The following CSMD1 variants were observed in gnomAD, a reference collection of about 807,000 sequenced individuals.
CSMD1 encodes the protein CUB and sushi domain-containing protein 1.
A neutral mutation model predicts 417.5 loss-of-function variants in CSMD1; 213 were observed. The observed-to-expected ratio is 0.51, with a 90% CI of 0.46 to 0.57. CSMD1 has a LOEUF of 0.57. Ranked by LOEUF, CSMD1 falls within the 20% of genes least tolerant of loss-of-function variation. The pLI, the probability that CSMD1 is intolerant of heterozygous loss-of-function variation, is 0.00. For missense variants in CSMD1, 6,923 were observed against 4,529.7 expected (o/e 1.53, Z -15.17); for synonymous variants, 2,862 against 1,736.8 (o/e 1.65, Z -16.11).
intron 7 of CSMD1, among the ~76,000 whole-genome samples, chr8:3,637,816 C>G (rs765113632): frequency 6.6e-6 from 1 of 152,134 alleles, no homozygotes; most frequent in African/African-American, 2.4e-5. Flanking sequence ...GTAATTGAAT[C>G]TTGGGGGCCA....
intron 7 of CSMD1, among the ~76,000 whole-genome samples, chr8:3,678,796 G>T (rs576904935): frequency 6.6e-6 from 1 of 152,240 alleles, no homozygotes; most frequent in Admixed American, 6.5e-5. Flanking sequence ...AGAAAGGTCG[G>T]GTTACCCACA....
chr8:4,978,361 A>C (rs1360661577), intron 1 of CSMD1, among the ~76,000 whole-genome samples: 1 of 152,164 alleles, frequency 6.6e-6, no homozygotes. Flanking sequence ...GGAAAAAGCC[A>C]GATCACACTG....
chr8:4,111,129 G>C (rs1042757631), intron 3 of CSMD1, among the ~76,000 whole-genome samples: 3 of 152,036 alleles, frequency 2.0e-5, no homozygotes, highest in Non-Finnish European at 2.9e-5. Flanking sequence ...TTTTGCTCTG[G>C]TTTGGTTCGT....
At chr8:4,951,620 C>G (rs1808756136) in intron 1 of CSMD1, among the ~76,000 whole-genome samples, 1 of 150,646 alleles carries the variant, frequency 6.6e-6, no homozygotes, top group Non-Finnish European at 1.5e-5. Flanking sequence ...TTTTTAATGC[C>G]TGTGAATGAC....
At chr8:3,061,074 G>A (rs1363297107) in intron 49 of CSMD1, among the ~76,000 whole-genome samples, 1 of 152,190 alleles carries the variant, frequency 6.6e-6, no homozygotes, top group Non-Finnish European at 1.5e-5. Flanking sequence ...TATAGAAACA[G>A]AATAGGATGC....
chr8:4,959,459 A>T (rs769872232), intron 1 of CSMD1, among the ~76,000 whole-genome samples: 7 of 152,226 alleles, frequency 4.6e-5, no homozygotes, highest in Non-Finnish European at 7.3e-5. Flanking sequence ...CCATGCACAG[A>T]GAGGCAACGC....
chr8:3,953,860 G>A (rs1224503202), intron 5 of CSMD1, among the ~76,000 whole-genome samples: 1 of 152,296 alleles, frequency 6.6e-6, no homozygotes, highest in African/African-American at 2.4e-5. Context: ...TGTTCTGGGT[G>A]GTCTCCTGTG....
At chr8:4,988,862 TC>T (rs2117468701) in intron 1 of CSMD1, among the ~76,000 whole-genome samples, 1 of 152,346 alleles carries the variant, frequency 6.6e-6, no homozygotes, top group East Asian at 1.9e-4. Flanking sequence ...TCCATAAAGC[TC>T]CCTATAATCA....
At chr8:4,239,407 G>C (rs1802255255) in intron 3 of CSMD1, among the ~76,000 whole-genome samples, 1 of 152,162 alleles carries the variant, frequency 6.6e-6, no homozygotes, top group Admixed American at 6.5e-5. Flanking sequence ...ATCTAACTGT[G>C]ATTCATCTTA....
In CSMD1 at chr8:3,323,261, G is replaced by T. The variant is rs187223412; in HGVS notation, c.3632-14758C>A. ...AATGACAAGGGACCTCAACATTCTT[G>T]CACCCTTAATAAAATCTTACCTCTC... On this transcript the variant is annotated intron_variant, in intron 23 of 69. Coordinates refer to ENST00000635120, the MANE Select transcript of CSMD1 (RefSeq NM_033225.6). 7.8e-3 allele frequency among the ~76,000 whole-genome samples: 1,179 copies of T among 152,126 alleles called. 17 individuals carry two copies. Among genetic ancestry groups the T allele is most frequent in the African/African-American group, 0.027 (1,112 of 41,486 alleles).
chr8:3,736,640 C>G (rs566870917), intron 6 of CSMD1, among the ~76,000 whole-genome samples: 1 of 152,168 alleles, frequency 6.6e-6, no homozygotes, highest in Non-Finnish European at 1.5e-5. Context: ...TTCTCATGCC[C>G]CAGGTCTTCC....
At chr8:4,658,416 A>C (rs950850688) in intron 1 of CSMD1, among the ~76,000 whole-genome samples, 3 of 152,140 alleles carry the variant, frequency 2.0e-5, no homozygotes, top group African/African-American at 7.2e-5. Flanking sequence ...TCTCATTAAA[A>C]ATTCCTGGAG....
chr8:3,626,130 C>T (rs956895388), intron 7 of CSMD1, among the ~76,000 whole-genome samples: 7 of 151,790 alleles, frequency 4.6e-5, no homozygotes, highest in East Asian at 3.9e-4. Context: ...AGATGTTCAC[C>T]GGAATGTATA....
intron 12 of CSMD1, among the ~76,000 whole-genome samples, chr8:3,412,107 T>C (rs1388396320): frequency 8.2e-6 from 1 of 121,508 alleles, no homozygotes; most frequent in Admixed American, 8.7e-5. Context: ...TATATACATA[T>C]ATACATATAT....
chr8:3,062,882 G>T (rs917323566), intron 49 of CSMD1, among the ~76,000 whole-genome samples: 1 of 152,142 alleles, frequency 6.6e-6, no homozygotes, highest in African/African-American at 2.4e-5. Flanking sequence ...TACTTTTAGA[G>T]TGTTGTTCAA....
chr8:3,658,426 T>G (rs933692364), intron 7 of CSMD1, among the ~76,000 whole-genome samples: 5 of 148,440 alleles, frequency 3.4e-5, no homozygotes, highest in African/African-American at 1.2e-4. Flanking sequence ...AATGTTTTGT[T>G]TTAATGAGCA....
intron 5 of CSMD1, among the ~76,000 whole-genome samples, chr8:3,833,292 T>C (rs1361641368): frequency 1.3e-5 from 2 of 152,144 alleles, no homozygotes; most frequent in African/African-American, 2.4e-5. Context: ...GATATCTGTT[T>C]ATTTTATGTT....
At chr8:3,910,940 T>C (rs1808418140) in intron 5 of CSMD1, among the ~76,000 whole-genome samples, 1 of 152,230 alleles carries the variant, frequency 6.6e-6, no homozygotes, top group Admixed American at 6.5e-5. Context: ...GCTTGATTGA[T>C]CACGACCAGG....
chr8:4,092,750 A>T (rs1424485966), intron 3 of CSMD1, among the ~76,000 whole-genome samples: 1 of 152,088 alleles, frequency 6.6e-6, no homozygotes, highest in East Asian at 1.9e-4. Context: ...ATTTTCTTTA[A>T]ATATAACTTT....
Sources: allele counts gnomAD v4.1 joint callset (sites outside exome capture counted in the v4.1 genomes callset), GRCh38; gene constraint gnomAD v4.1.1; transcripts MANE v1.5; gene names NCBI Gene and HGNC (gene_info 2026-07-23, HGNC 2026-07-21).